Variants in HTR1F observed in about 807,000 individuals in gnomAD.
HTR1F encodes the protein 5-hydroxytryptamine (serotonin) receptor 1F, G protein-coupled.
Under a neutral mutation model 24.0 loss-of-function variants are expected in HTR1F, and 17 were observed. That is an observed-to-expected ratio of 0.71 (90% confidence interval 0.48 to 1.06). The LOEUF is 1.06. HTR1F is among the 50% of genes least tolerant of loss of function. The pLI is 0.00. For synonymous variants in HTR1F, 186 were observed against 156.8 expected, an observed-to-expected ratio of 1.19 and a Z score of -1.39; for missense variants, 391 against 427.8, an observed-to-expected ratio of 0.91 and a Z score of 0.76.
intron 2 of HTR1F, among the ~76,000 whole-genome samples, chr3:87,939,945 A>C (rs1704527485): frequency 6.6e-6 from 1 of 151,924 alleles, no homozygotes; most frequent in Non-Finnish European, 1.5e-5. Context: ...AGTTCTTTTA[A>C]TTGTAATGTT....
At chr3:87,887,960 C>T (rs1381378001) in intron 2 of HTR1F, among the ~76,000 whole-genome samples, 1 of 152,122 alleles carries the variant, frequency 6.6e-6, no homozygotes, top group African/African-American at 2.4e-5. Context: ...CCAGCAATCC[C>T]ATTACTGGGT....
chr3:87,904,564 A>G (rs1703615136), intron 2 of HTR1F, among the ~76,000 whole-genome samples: 1 of 152,126 alleles, frequency 6.6e-6, no homozygotes, highest in Non-Finnish European at 1.5e-5. Context: ...CTATTATTTC[A>G]TGCAACAATA....
chr3:87,878,663 A>G (rs1430989081), intron 2 of HTR1F, among the ~76,000 whole-genome samples: 1 of 152,102 alleles, frequency 6.6e-6, no homozygotes, highest in Admixed American at 6.6e-5. Context: ...AGATGCCACA[A>G]GCACACCACA....
intron 2 of HTR1F, among the ~76,000 whole-genome samples, chr3:87,879,296 T>G (rs1705735691): frequency 6.6e-6 from 1 of 152,218 alleles, no homozygotes; most frequent in Non-Finnish European, 1.5e-5. Flanking sequence ...GAGAGTATAA[T>G]GCATTTAATC....
intron 2 of HTR1F, among the ~76,000 whole-genome samples, chr3:87,968,630 G>A (rs1576101526): frequency 6.6e-6 from 1 of 152,316 alleles, no homozygotes; most frequent in East Asian, 1.9e-4. Context: ...TAAAAGGGAA[G>A]CAGAGCATTA....
At chr3:87,942,486 G>T (rs568161519) in intron 2 of HTR1F, among the ~76,000 whole-genome samples, 9 of 151,416 alleles carry the variant, frequency 5.9e-5, no homozygotes, top group African/African-American at 2.2e-4. Flanking sequence ...CAGTCCTGCT[G>T]CTGGATCATC....
intron 2 of HTR1F, among the ~76,000 whole-genome samples, chr3:87,886,629 C>T (rs1705951035): frequency 6.6e-6 from 1 of 152,164 alleles, no homozygotes; most frequent in Admixed American, 6.5e-5. Flanking sequence ...ACCTGATAAG[C>T]AACTCAGCAA....
intron 2 of HTR1F, among the ~76,000 whole-genome samples, chr3:87,854,919 T>TTTG (rs138657840): frequency 0.049 from 7,461 of 152,062 alleles, 255 homozygotes; most frequent in Non-Finnish European, 0.076. Context: ...TTAAATATTT[T>TTTG]TTGTTGTTGT....
intron 2 of HTR1F, among the ~76,000 whole-genome samples, chr3:87,915,454 AC>A (rs534610933): frequency 1.7e-3 from 258 of 152,302 alleles, no homozygotes; most frequent in Non-Finnish European, 3.0e-3. Flanking sequence ...ACCCAAAAAA[AC>A]GATACAAGAA....
chr3:87,799,710 T>C (rs1267950714), intron 1 of HTR1F, among the ~76,000 whole-genome samples: 4 of 152,204 alleles, frequency 2.6e-5, no homozygotes, highest in Admixed American at 2.6e-4. Context: ...CATGAGCTGG[T>C]ACAAGTAGTC....
chr3:87,840,968 G>T (rs1332701049), intron 2 of HTR1F, among the ~76,000 whole-genome samples: 2 of 151,708 alleles, frequency 1.3e-5, no homozygotes, highest in Non-Finnish European at 2.9e-5. Context: ...TTGGTCAGTG[G>T]GTACAAAGCT....
At chr3:87,849,845 A>G (rs1705040246) in intron 2 of HTR1F, among the ~76,000 whole-genome samples, 1 of 152,000 alleles carries the variant, frequency 6.6e-6, no homozygotes, top group South Asian at 2.1e-4. Flanking sequence ...CAGCCAAAAG[A>G]CAGATGAAAA....
chr3:87,846,996 C>A (rs538023318), intron 2 of HTR1F, among the ~76,000 whole-genome samples: 2 of 151,482 alleles, frequency 1.3e-5, no homozygotes, highest in East Asian at 3.9e-4. Flanking sequence ...TATATTATTG[C>A]TATTTTTAAG....
intron 2 of HTR1F, among the ~76,000 whole-genome samples, chr3:87,929,786 C>T (rs1288131962): frequency 6.6e-6 from 1 of 152,068 alleles, no homozygotes; most frequent in Non-Finnish European, 1.5e-5. Context: ...TATTTGGGCT[C>T]TTTTTGGGCT....
intron 2 of HTR1F, among the ~76,000 whole-genome samples, chr3:87,927,966 A>C (rs1464333790): frequency 3.9e-5 from 6 of 152,120 alleles, no homozygotes; most frequent in Non-Finnish European, 8.8e-5. Context: ...TTGGTGGCTT[A>C]ATAAACTTAA....
intron 2 of HTR1F, among the ~76,000 whole-genome samples, chr3:87,905,414 C>T (rs72913745): frequency 6.6e-6 from 1 of 151,616 alleles, no homozygotes; most frequent in Non-Finnish European, 1.5e-5. Flanking sequence ...CAAAACCTGA[C>T]TTTTTTCACT....
intron 2 of HTR1F, among the ~76,000 whole-genome samples, chr3:87,938,268 ACTG>A (rs1704477004): frequency 6.6e-6 from 1 of 152,144 alleles, no homozygotes; most frequent in South Asian, 2.1e-4. Context: ...GAACTACAAA[ACTG>A]CTCAAAGAAA....
chr3:87,945,341 G>T (rs1461071767), intron 2 of HTR1F, among the ~76,000 whole-genome samples: 1 of 152,136 alleles, frequency 6.6e-6, no homozygotes, highest in Non-Finnish European at 1.5e-5. Flanking sequence ...GATACAACTT[G>T]CTAGAGGAAA....
intron 2 of HTR1F, among the ~76,000 whole-genome samples, chr3:87,946,840 T>G (rs547677519): frequency 6.6e-6 from 1 of 152,176 alleles, no homozygotes; most frequent in East Asian, 1.9e-4. Flanking sequence ...TTAGCCAGGA[T>G]GGTCTTGATC....
Sources: gnomAD v4.1 joint callset for allele counts (sites outside exome capture counted in the v4.1 genomes callset) on GRCh38, gnomAD v4.1.1 for gene constraint, MANE v1.5 for transcripts, NCBI Gene and HGNC (gene_info 2026-07-23, HGNC 2026-07-21) for gene names.